PCDH15: variants seen among roughly 807,000 people sequenced by gnomAD.
PCDH15 encodes the protein protocadherin related 15, also known as protocadherin-15.
Under a neutral mutation model 178.5 loss-of-function variants are expected in PCDH15, and 129 were observed. The ratio of observed to expected loss-of-function variants is 0.72; its 90% CI spans 0.63 to 0.84. PCDH15 has a LOEUF of 0.84. PCDH15 is among the 40% of genes least tolerant of loss of function. The pLI, the probability that PCDH15 is intolerant of heterozygous loss-of-function variation, is 0.00. For synonymous variants in PCDH15, 800 were observed against 732.0 expected (o/e 1.09, Z -1.50); for missense variants, 2,230 against 2,099.9 (o/e 1.06, Z -1.21).
intron 26 of PCDH15, among the ~76,000 whole-genome samples, chr10:53,901,317 G>A (rs1269410995): frequency 6.6e-6 from 1 of 152,124 alleles, no homozygotes. Context: ...ACAATAGGCA[G>A]TGGAGGAGGT....
At chr10:54,828,804 T>G (rs1189762270) in intron 3 of PCDH15, among the ~76,000 whole-genome samples, 1 of 151,956 alleles carries the variant, frequency 6.6e-6, no homozygotes, top group Non-Finnish European at 1.5e-5. Context: ...AGTGGCATGT[T>G]TATAAAGAGA....
At chr10:55,235,586 C>A (rs1332519504) in intron 1 of PCDH15, among the ~76,000 whole-genome samples, 1 of 151,998 alleles carries the variant, frequency 6.6e-6, no homozygotes, top group South Asian at 2.1e-4. Context: ...CCAAACTTCA[C>A]ATTCACCCAG....
At chr10:55,432,113 A>ACACACACACACC (rs1323678393) in intron 2 of PCDH15, among the ~76,000 whole-genome samples, 1 of 142,696 alleles carries the variant, frequency 7.0e-6, no homozygotes, top group African/African-American at 2.8e-5. Context: ...ACACACACAC[A>ACACACACACACC]CCACAAGTCT....
intron 2 of PCDH15, among the ~76,000 whole-genome samples, chr10:55,160,718 C>A (rs1339404617): frequency 6.6e-6 from 1 of 151,980 alleles, no homozygotes; most frequent in Non-Finnish European, 1.5e-5. Flanking sequence ...TATGCTCCTG[C>A]TAAGTGACTA....
chr10:54,020,401 G>A lies in PCDH15; in HGVS notation c.2542C>T (p.Leu848Phe). The change falls in exon 20 of 38, where the codon CTT becomes TTT. Residue 848 changes from leucine to phenylalanine, a missense_variant. Physicochemically the swap from Leu to Phe is conservative, Grantham distance 22. Coordinates refer to ENST00000644397, the MANE Select transcript of PCDH15 (RefSeq NM_001384140.1). ...ATCCGGTAAGACACATTTGCTCCAAGGTCGACATCTTTGGCCTGTAATAAG... is the reference window on the plus strand; with the variant it reads ...ATCCGGTAAGACACATTTGCTCCAAAGTCGACATCTTTGGCCTGTAATAAG... ...ILQIEAKDVD[L>F]GANVSYRIRS... 6.2e-7 allele frequency: 1 copy of A among 1,613,682 alleles called. No homozygotes were observed. Among genetic ancestry groups the A allele is most frequent in the Non-Finnish European group, 8.5e-7 (1 of 1,179,736 alleles).
chr10:54,622,651 A>T (rs2093406019), intron 2 of PCDH15, among the ~76,000 whole-genome samples: 3 of 95,612 alleles, frequency 3.1e-5, no homozygotes, highest in African/African-American at 1.4e-4. Flanking sequence ...AATTATATAT[A>T]TACTATATAA....
intron 1 of PCDH15, among the ~76,000 whole-genome samples, chr10:54,730,098 C>T (rs911640987): frequency 6.6e-6 from 1 of 151,446 alleles, no homozygotes; most frequent in Non-Finnish European, 1.5e-5. Context: ...CACATGCATG[C>T]ATATGTTCAC....
At position 54,778,819 on chromosome 10, in the gene PCDH15, G is replaced by A. The variant is rs150455729; in HGVS notation, c.-29+22106C>T. On this transcript the variant is annotated intron_variant, in intron 1 of 37. Transcript: ENST00000644397. Reference sequence around the variant, plus strand: ...GACCAAATATATAGTTACAATTGTCGCTATTTATAAAGAGGTTCAAGAACT... The same window carrying A: ...GACCAAATATATAGTTACAATTGTCACTATTTATAAAGAGGTTCAAGAACT... Among the ~76,000 whole-genome samples the A allele has an allele frequency of 1.7e-3, 261 of 151,922 alleles. 2 individuals are homozygous for A. Among genetic ancestry groups the A allele is most frequent in the African/African-American group, 5.7e-3 (236 of 41,436 alleles).
chr10:54,909,948 T>A (rs768688814), intron 2 of PCDH15, among the ~76,000 whole-genome samples: 7 of 152,114 alleles, frequency 4.6e-5, no homozygotes, highest in Non-Finnish European at 8.8e-5. Flanking sequence ...GGGACTGTCC[T>A]TCTCTTCTCC....
rs562352344 is a variant in PCDH15, at chr10:55,602,636, C to G, written c.-156+24989G>C. Among the ~76,000 whole-genome samples the G allele has an allele frequency of 3.7e-3, 566 of 152,150 alleles. 3 individuals are homozygous for G. The highest frequency in any genetic ancestry group is 0.013 in the African/African-American group (540 of 41,516). On this transcript the variant is annotated intron_variant, in intron 2 of 5. Transcript: ENST00000613346. ...CCCCCCAGCAGGGGCACACTGACAC[C>G]TCACACAGCAGGGTACTCCAACAGA...
intron 3 of PCDH15, among the ~76,000 whole-genome samples, chr10:54,863,021 C>A (rs1953872553): frequency 6.6e-6 from 1 of 152,010 alleles, no homozygotes; most frequent in Admixed American, 6.6e-5. Context: ...CTAAAGTATA[C>A]CACTTTATTT....
At chr10:53,887,081 A>G (rs945119964) in intron 26 of PCDH15, among the ~76,000 whole-genome samples, 4 of 152,162 alleles carry the variant, frequency 2.6e-5, no homozygotes, top group Admixed American at 2.6e-4. Context: ...GGATTCTGAA[A>G]CCAAGAACCA....
At chr10:54,641,659 TCTTCA>T (rs2093992097) in intron 2 of PCDH15, among the ~76,000 whole-genome samples, 1 of 152,098 alleles carries the variant, frequency 6.6e-6, no homozygotes, top group Admixed American at 6.6e-5. Flanking sequence ...TTTTTCAATC[TCTTCA>T]CTTGTCTCTA....
chr10:54,528,021 A>G (rs181611368), intron 2 of PCDH15, 144 bp from the exon 3 acceptor site: 1 of 679,914 alleles, frequency 1.5e-6, no homozygotes, highest in Non-Finnish European at 2.5e-6. Flanking sequence ...AATATTATTT[A>G]AAAACATTTT....
chr10:54,507,932 T>G (rs2081309213), intron 3 of PCDH15, among the ~76,000 whole-genome samples: 1 of 152,008 alleles, frequency 6.6e-6, no homozygotes, highest in Admixed American at 6.6e-5. Flanking sequence ...AGTGATTATC[T>G]TAGTACTGAG....
At chr10:55,148,175 C>T (rs1350570807) in intron 2 of PCDH15, among the ~76,000 whole-genome samples, 3 of 151,954 alleles carry the variant, frequency 2.0e-5, no homozygotes, top group African/African-American at 7.2e-5. Flanking sequence ...TCCCCTGTTT[C>T]TTGTACTTCA....
intron 25 of PCDH15, among the ~76,000 whole-genome samples, chr10:53,933,056 C>T (rs1334561955): frequency 1.3e-5 from 2 of 152,060 alleles, no homozygotes; most frequent in Admixed American, 1.3e-4. Flanking sequence ...TTCCGGAGGT[C>T]TCCATAGAAC....
chr10:55,441,183 A>C (rs1839175933), intron 2 of PCDH15, among the ~76,000 whole-genome samples: 1 of 152,186 alleles, frequency 6.6e-6, no homozygotes. Context: ...TACTGAAACA[A>C]CCAGCTCTGA....
At chr10:53,885,854 A>C (rs2081057315) in intron 26 of PCDH15, among the ~76,000 whole-genome samples, 1 of 152,154 alleles carries the variant, frequency 6.6e-6, no homozygotes, top group Non-Finnish European at 1.5e-5. Flanking sequence ...GACTTAATGG[A>C]GGAATCTATT....
Sources: gnomAD v4.1 joint callset for allele counts (sites outside exome capture counted in the v4.1 genomes callset) on GRCh38, gnomAD v4.1.1 for gene constraint, MANE v1.5 for transcripts, NCBI Gene and HGNC (gene_info 2026-07-23, HGNC 2026-07-21) for gene names.